The following AGBL1 variants were observed in gnomAD, a reference collection of about 807,000 sequenced individuals.
AGBL1 encodes the protein AGBL carboxypeptidase 1.
A neutral mutation model predicts 118.9 loss-of-function variants in AGBL1; 130 were observed. That is an observed-to-expected ratio of 1.09 (90% CI 0.95 to 1.26). The LOEUF is 1.26. Ranked by LOEUF, AGBL1 falls within the 50% of genes most tolerant of loss-of-function variation. AGBL1 has a pLI of 0.00. For missense variants in AGBL1, 1,584 were observed against 1,298.1 expected (o/e 1.22, Z -3.38); for synonymous variants, 555 against 478.9 (o/e 1.16, Z -2.08).
At chr15:86,900,791 T>C (rs937633388) in intron 22 of AGBL1, among the ~76,000 whole-genome samples, 1 of 152,138 alleles carries the variant, frequency 6.6e-6, no homozygotes, top group African/African-American at 2.4e-5. Flanking sequence ...GTGTCTTCTT[T>C]AAAGCTTTTG....
At chr15:86,920,272 A>G (rs1000372114), downstream of AGBL1, among the ~76,000 whole-genome samples, 6 of 152,208 alleles carry the variant, frequency 3.9e-5, no homozygotes, top group Non-Finnish European at 7.4e-5. Context: ...CTCAGCTCCT[A>G]CAGTCCGCCT....
At chr15:86,834,886 G>T (rs777093013) in intron 22 of AGBL1, among the ~76,000 whole-genome samples, 1 of 152,200 alleles carries the variant, frequency 6.6e-6, no homozygotes, top group African/African-American at 2.4e-5. Flanking sequence ...CCTATGAAAC[G>T]TGGGATCCAG....
Position 86,295,428 on chromosome 15 carries a change from C to T in AGBL1, c.2374+20C>T. Reference sequence around the variant, plus strand: ...AGTTCCGTGAGTAAAATGGGATCCTCTTCGTAGAAGATTTGACTAAGGGTG... The same window carrying T: ...AGTTCCGTGAGTAAAATGGGATCCTTTTCGTAGAAGATTTGACTAAGGGTG... On this transcript the variant is annotated intron_variant, in intron 17 of 22. Coordinates refer to ENST00000614907, the MANE Select transcript of AGBL1 (RefSeq NM_001386094.1). 6.5e-7 allele frequency: 1 copy of T among 1,535,864 alleles called. No homozygotes were observed. Among genetic ancestry groups the T allele is most frequent in the African/African-American group, 1.4e-5 (1 of 71,750 alleles).
intron 18 of AGBL1, among the ~76,000 whole-genome samples, chr15:86,521,128 A>G (rs2083184474): frequency 1.3e-5 from 2 of 152,214 alleles, no homozygotes; most frequent in African/African-American, 4.8e-5. Context: ...TAATCTGAAG[A>G]TTTTTAGTTT....
At chr15:86,266,549 C>A (rs1164299839) in intron 12 of AGBL1, 92 bp downstream of exon 12, 7 of 886,322 alleles carry the variant, frequency 7.9e-6, no homozygotes, top group Non-Finnish European at 1.2e-5. Context: ...TAATCCACTC[C>A]TCCTCCTAAA....
chr15:86,090,057 C>G (rs535171794), intron 1 of AGBL1, among the ~76,000 whole-genome samples: 1 of 152,288 alleles, frequency 6.6e-6, no homozygotes, highest in African/African-American at 2.4e-5. Flanking sequence ...AAGTATTTTT[C>G]CCGTCTTCTC....
chr15:86,187,513 G>A (rs1433769848), intron 5 of AGBL1, among the ~76,000 whole-genome samples: 2 of 152,100 alleles, frequency 1.3e-5, no homozygotes, highest in African/African-American at 2.4e-5. Flanking sequence ...CTCTTTCATT[G>A]ACCCTAAGCA....
rs369156479 is a variant in AGBL1, at chr15:86,415,106, CT to C, written c.2555+17561del. ...TCAGATGATCAGTGGGTACCACTAA[CT>C]GCTGGGATGCCTCTTTACCCAATGG... On this transcript the variant is annotated intron_variant, in intron 18 of 22. Coordinates refer to ENST00000614907, the MANE Select transcript of AGBL1 (RefSeq NM_001386094.1). Among the ~76,000 whole-genome samples the C allele has an allele frequency of 3.2e-3, 481 of 152,298 alleles. 1 individual carries two copies. Among genetic ancestry groups the C allele is most frequent in the African/African-American group, 0.011 (454 of 41,570 alleles).
intron 22 of AGBL1, among the ~76,000 whole-genome samples, chr15:86,771,093 T>A (rs2078172925): frequency 6.6e-6 from 1 of 151,956 alleles, no homozygotes; most frequent in South Asian, 2.1e-4. Context: ...GAGGGAGGTG[T>A]CAAAGATGGA....
chr15:87,022,525 A>G (rs1328218420), intron 24 of AGBL1, among the ~76,000 whole-genome samples: 1 of 152,094 alleles, frequency 6.6e-6, no homozygotes, highest in Non-Finnish European at 1.5e-5. Flanking sequence ...AGTTTGGAAA[A>G]TATATTTGGG....
intron 22 of AGBL1, among the ~76,000 whole-genome samples, chr15:86,843,121 C>T (rs1046183154): frequency 2.6e-5 from 4 of 152,160 alleles, no homozygotes; most frequent in African/African-American, 4.8e-5. Flanking sequence ...ATAATGATAG[C>T]ATCCTTAATG....
intron 21 of AGBL1, among the ~76,000 whole-genome samples, chr15:86,580,538 A>G (rs1046167282): frequency 6.6e-6 from 1 of 152,102 alleles, no homozygotes; most frequent in African/African-American, 2.4e-5. Context: ...CAGTCTGTAC[A>G]TACATTTATG....
rs374415167 is a variant in AGBL1, at chr15:86,410,807, G to T, written c.2555+13261G>T. Among the ~76,000 whole-genome samples the T allele has an allele frequency of 3.1e-3, 126 of 40,336 alleles. 1 individual carries two copies. The highest frequency in any genetic ancestry group is 0.011 in the African/African-American group (112 of 10,008). The allele number at this position is 40,336 out of a possible 152,430, so 26.5% of individuals were successfully genotyped here. A position where few individuals can be genotyped will look rare whatever the true frequency, so the allele number is the denominator to read the frequency against. ...AGAGGAAGAGACAAGGTCAAATGTA[G>T]ATATATATATATATATATATATATA... On this transcript the variant is annotated intron_variant, in intron 18 of 22. Transcript: ENST00000614907.
chr15:86,964,418 T>C (rs1281594514), intron 23 of AGBL1, among the ~76,000 whole-genome samples: 1 of 151,890 alleles, frequency 6.6e-6, no homozygotes, highest in Non-Finnish European at 1.5e-5. Context: ...CCCACTGTGA[T>C]AACAAAAAAT....
intron 6 of AGBL1, among the ~76,000 whole-genome samples, chr15:86,230,240 TCTG>T (rs1445176647): frequency 6.6e-6 from 1 of 152,188 alleles, no homozygotes; most frequent in Non-Finnish European, 1.5e-5. Context: ...TCAGGAGTCG[TCTG>T]CTGTGACCTG....
chr15:86,455,888 C>A (rs891641), intron 18 of AGBL1, among the ~76,000 whole-genome samples: 70,032 of 151,948 alleles, frequency 0.46, 17,001 homozygotes, highest in Middle Eastern at 0.57. Flanking sequence ...TCTCTCATAG[C>A]CATTACCCTA....
intron 18 of AGBL1, among the ~76,000 whole-genome samples, chr15:86,415,750 A>G (rs538447322): frequency 6.6e-6 from 1 of 152,120 alleles, no homozygotes; most frequent in East Asian, 1.9e-4. Flanking sequence ...CAAGTCTTGA[A>G]CCCATGCTTA....
rs191108985 is a variant in AGBL1 at position 86,094,009 on chromosome 15, G to A, written c.51+13986G>A. Among the ~76,000 whole-genome samples the A allele has an allele frequency of 2.2e-3, 340 of 152,102 alleles. 15 individuals are homozygous for A. In the South Asian group the frequency reaches 0.067, roughly 30 times the overall value. ...TCCGATTACATTCTAATCTAGTATTGTATCTTTGAAATTATATCAAAAGTT... is the reference window on the plus strand; with the variant it reads ...TCCGATTACATTCTAATCTAGTATTATATCTTTGAAATTATATCAAAAGTT... On this transcript the variant is annotated intron_variant, in intron 1 of 22. Transcript: ENST00000614907.
At chr15:86,944,737 G>A (rs1260412092) in intron 23 of AGBL1, among the ~76,000 whole-genome samples, 2 of 152,182 alleles carry the variant, frequency 1.3e-5, no homozygotes, top group Middle Eastern at 3.2e-3. Flanking sequence ...AAATGAATAT[G>A]TATTTCACAT....
Sources: gnomAD v4.1 joint callset for allele counts (sites outside exome capture counted in the v4.1 genomes callset) on GRCh38, gnomAD v4.1.1 for gene constraint, MANE v1.5 for transcripts, NCBI Gene and HGNC (gene_info 2026-07-23, HGNC 2026-07-21) for gene names.